Variants in WDR27 observed in about 807,000 individuals in gnomAD.
WDR27 encodes WD repeat domain 27, also known as WD repeat-containing protein 27.
In WDR27, 100 loss-of-function variants were observed where a neutral mutation model predicts 114.4. The observed-to-expected ratio is 0.87, with a 90% CI of 0.74 to 1.03. The LOEUF is 1.03. WDR27 is among the 50% of genes least tolerant of loss of function. The pLI, the probability that WDR27 is intolerant of heterozygous loss-of-function variation, is 0.00. For synonymous variants in WDR27, 449 were observed against 423.1 expected, an observed-to-expected ratio of 1.06 and a Z score of -0.75; for missense variants, 1,129 against 1,092.9, an observed-to-expected ratio of 1.03 and a Z score of -0.47.
chr6:169,545,534 T>C (rs767774485), intron 25 of WDR27, among the ~76,000 whole-genome samples: 3 of 152,010 alleles, frequency 2.0e-5, no homozygotes, highest in Non-Finnish European at 4.4e-5. Flanking sequence ...ATACAAAAAT[T>C]AGTGCAGCGT....
chr6:169,685,950 A>G (rs1562931688), intron 2 of WDR27, among the ~76,000 whole-genome samples: 1 of 152,210 alleles, frequency 6.6e-6, no homozygotes, highest in Non-Finnish European at 1.5e-5. Flanking sequence ...TTAAAGCAGC[A>G]AAAGCATCAA....
chr6:169,547,475 C>T (rs1032088413), intron 25 of WDR27, among the ~76,000 whole-genome samples: 9 of 152,162 alleles, frequency 5.9e-5, no homozygotes, highest in African/African-American at 2.2e-4. Context: ...AAATTATACA[C>T]CTTGACCAGG....
At chr6:169,605,129 T>G (rs1262679973) in intron 22 of WDR27, among the ~76,000 whole-genome samples, 2 of 90,186 alleles carry the variant, frequency 2.2e-5, no homozygotes, top group Non-Finnish European at 4.1e-5. Context: ...AAAAAAGTTT[T>G]TTTTTTTTAA....
At chr6:169,495,457 A>G (rs187209670) in intron 25 of WDR27, among the ~76,000 whole-genome samples, 126 of 152,124 alleles carry the variant, frequency 8.3e-4, no homozygotes, top group South Asian at 1.0e-3. Flanking sequence ...TAGAGGAAAT[A>G]TAAAATAAAG....
At chr6:169,594,317 T>C (rs2494673) in intron 23 of WDR27, among the ~76,000 whole-genome samples, 132,672 of 152,212 alleles carry the variant, frequency 0.87, 58,338 homozygotes, top group Admixed American at 0.94. Flanking sequence ...TTTAATGTAT[T>C]GAGCTTTTCT....
intron 24 of WDR27, among the ~76,000 whole-genome samples, chr6:169,580,934 TATATATATATATATATATAC>T (rs1803275018): frequency 2.5e-5 from 1 of 39,228 alleles, no homozygotes; most frequent in African/African-American, 8.6e-5. Context: ...TAGTGAATTT[TATATATATATATATATATAC>T]ATATATATAT....
rs1294512413 is a variant in WDR27, at chr6:169,684,920, C to A, written c.189+3897G>T. 1.3e-5 allele frequency among the ~76,000 whole-genome samples: 2 copies of A among 152,248 alleles called. No individual in the cohort carries two copies. Among genetic ancestry groups the A allele is most frequent in the Non-Finnish European group, 2.9e-5 (2 of 68,046 alleles). Reference sequence around the variant, plus strand: ...GTGGCCCCAACCCCAGCAAGCCAGACCCCAAGTTGGCTGACCCTATGTGTA... The same window carrying A: ...GTGGCCCCAACCCCAGCAAGCCAGAACCCAAGTTGGCTGACCCTATGTGTA... On this transcript the variant is annotated intron_variant, in intron 2 of 25. Transcript: ENST00000448612. This position sits in a 1 kb window ranked among gnomAD's most constrained non-coding sequence, Gnocchi z 4.3.
rs747237053 is a variant in WDR27, at chr6:169,457,474, C to G, written c.*118G>C. 7.6e-5 allele frequency: 66 copies of G among 869,448 alleles called. No individual in the cohort carries two copies. Among genetic ancestry groups the G allele is most frequent in the Non-Finnish European group, 1.1e-4 (61 of 580,286 alleles). The allele number at this position is 869,448 out of a possible 1,614,324, so 53.9% of individuals were successfully genotyped here. ...AACGGGGGAAATCTGAGGCAAGTCTCAAAATATGAAAAACAGTTGCTGCTT... is the reference window on the plus strand; with the variant it reads ...AACGGGGGAAATCTGAGGCAAGTCTGAAAATATGAAAAACAGTTGCTGCTT... On this transcript the variant is annotated 3_prime_UTR_variant, in exon 26 of 26. Coordinates refer to ENST00000448612, the MANE Select transcript of WDR27 (RefSeq NM_182552.5).
chr6:169,651,183 C>CGGGGGGGG (rs763059214), intron 14 of WDR27, among the ~76,000 whole-genome samples: 8 of 7,710 alleles, frequency 1.0e-3, no homozygotes, highest in Non-Finnish European at 1.5e-3. Context: ...CAGTGCGGGG[C>CGGGGGGGG]GGGGGGGGGG....
intron 25 of WDR27, among the ~76,000 whole-genome samples, chr6:169,506,492 A>T (rs1456163014): frequency 6.6e-6 from 1 of 152,238 alleles, no homozygotes; most frequent in Non-Finnish European, 1.5e-5. Flanking sequence ...ACTGTCTGGA[A>T]GTCCAGTGAA....
In WDR27 at chr6:169,659,916, G is replaced by A. The variant is rs947983769; in HGVS notation, c.1130-398C>T. Among the ~76,000 whole-genome samples, 9 of 151,916 alleles carry A rather than the reference G, an allele frequency of 5.9e-5. No homozygotes were observed. Among genetic ancestry groups the A allele is most frequent in the Admixed American group, 2.0e-4 (3 of 15,260 alleles). ...TTTCAAGGAGAAGCTGCGCCTGGCT[G>A]AGCTGGGGAGGGGCAGGGATGGGCG... On this transcript the variant is annotated intron_variant, in intron 10 of 25. Transcript: ENST00000448612. This position sits in a 1 kb window ranked among gnomAD's most constrained non-coding sequence, Gnocchi z 4.3.
intron 25 of WDR27, among the ~76,000 whole-genome samples, chr6:169,489,926 A>G (rs570991430): frequency 4.6e-5 from 7 of 152,324 alleles, no homozygotes; most frequent in Admixed American, 3.9e-4. Flanking sequence ...GAGCTGTTCC[A>G]GTAACTCAAC....
intron 2 of WDR27, among the ~76,000 whole-genome samples, chr6:169,674,813 A>C (rs530879824): frequency 6.6e-6 from 1 of 152,296 alleles, no homozygotes; most frequent in African/African-American, 2.4e-5. Flanking sequence ...ACCTGGGTGC[A>C]GGCGGGCTGA....
intron 25 of WDR27, among the ~76,000 whole-genome samples, chr6:169,480,105 C>T (rs766126158): frequency 2.6e-5 from 4 of 152,176 alleles, no homozygotes; most frequent in African/African-American, 4.8e-5. Context: ...CAGGTGGATG[C>T]GGGCTCAGCG....
intron 23 of WDR27, among the ~76,000 whole-genome samples, chr6:169,593,039 A>C (rs1357273187): frequency 6.6e-6 from 1 of 152,228 alleles, no homozygotes; most frequent in Non-Finnish European, 1.5e-5. Context: ...TTGTTAATGC[A>C]CTAATTCTAT....
At chr6:169,538,459 T>C (rs1796444679) in intron 25 of WDR27, among the ~76,000 whole-genome samples, 1 of 152,164 alleles carries the variant, frequency 6.6e-6, no homozygotes, top group African/African-American at 2.4e-5. Flanking sequence ...ACTCCTCCCA[T>C]AAGGTCACTC....
Position 169,546,135 on chromosome 6 carries a change from G to A in WDR27, c.2645+26284C>T, listed in dbSNP as rs114345111. 9.9e-4 allele frequency among the ~76,000 whole-genome samples: 151 copies of A among 152,266 alleles called. 1 individual carries two copies. The highest frequency in any genetic ancestry group is 3.6e-3 in the African/African-American group (148 of 41,544). On this transcript the variant is annotated intron_variant, in intron 25 of 25. Transcript: ENST00000448612. ...AAAACAGTGACAACATCAAATGCTG[G>A]CAAGGACACGAAGAAATGAATCACT... is the stretch of plus-strand genomic sequence containing the variant.
At chr6:169,501,272 G>T (rs890378234) in intron 25 of WDR27, among the ~76,000 whole-genome samples, 1 of 152,186 alleles carries the variant, frequency 6.6e-6, no homozygotes, top group African/African-American at 2.4e-5. Context: ...GCCCAGACCA[G>T]CCAGTGTCCA....
At chr6:169,480,401 G>T (rs1028694586) in intron 25 of WDR27, among the ~76,000 whole-genome samples, 1 of 152,226 alleles carries the variant, frequency 6.6e-6, no homozygotes, top group African/African-American at 2.4e-5. Flanking sequence ...CGGTCCTGTC[G>T]ACTGCCCAAG....
Sources: allele counts gnomAD v4.1 joint callset (sites outside exome capture counted in the v4.1 genomes callset), GRCh38; gene constraint gnomAD v4.1.1; non-coding constraint Gnocchi (gnomAD v3.1); transcripts MANE v1.5; gene names NCBI Gene and HGNC (gene_info 2026-07-23, HGNC 2026-07-21).